VPS13B: variants seen among roughly 807,000 people sequenced by gnomAD.
VPS13B encodes intermembrane lipid transfer protein VPS13B.
VPS13B carries 285 observed loss-of-function variants against 426.4 expected under a neutral mutation model. The observed-to-expected ratio is 0.67, with a 90% CI of 0.61 to 0.74. VPS13B has a LOEUF of 0.74. VPS13B is among the 30% of genes least tolerant of loss of function. The pLI, the probability that VPS13B is intolerant of heterozygous loss-of-function variation, is 0.00. For missense variants in VPS13B, 4,537 were observed against 4,782.6 expected (o/e 0.95, Z 1.51); for synonymous variants, 1,676 against 1,676.4 (o/e 1.00, Z 0.01).
At position 99,038,435 on chromosome 8, in the gene VPS13B, C is replaced by G; in HGVS notation, c.160C>G (p.Pro54Ala). The change falls in exon 3 of 62, where the codon CCA becomes GCA. Residue 54 changes from proline (P) to alanine (A), a missense_variant. Transcript: ENST00000357162. ...LDVLEQELKL[P>A]FTFLSGHIHE... ...TTTGTGTTTTAAGGAACTGAAATTA[C>G]CATTCACTTTTTTAAGTGGACATAT... The G allele has an allele frequency of 6.2e-7, 1 of 1,605,704 alleles. No homozygotes were observed. The highest frequency in any genetic ancestry group is 8.5e-7 in the Non-Finnish European group (1 of 1,175,314).
At position 99,081,652 on chromosome 8, in the gene VPS13B, C is replaced by T. The variant is rs184435955; in HGVS notation, c.292-14660C>T. 1.8e-3 allele frequency among the ~76,000 whole-genome samples: 259 copies of T among 147,324 alleles called. 1 individual carries two copies. Among genetic ancestry groups the T allele is most frequent in the East Asian group, 5.8e-3 (28 of 4,788 alleles). ...ACAGGCCCCGGTGTGTGATGTTCCG[C>T]GTCGTATGTCCATGTGTTCTCATTG... On this transcript the variant is annotated intron_variant, in intron 3 of 61. Transcript: ENST00000357162.
chr8:99,807,062 C>A (rs572438791), intron 43 of VPS13B, among the ~76,000 whole-genome samples: 19 of 152,314 alleles, frequency 1.2e-4, no homozygotes, highest in Admixed American at 1.2e-3. Context: ...CCAAACATTA[C>A]AAATGTTCCA....
intron 39 of VPS13B, among the ~76,000 whole-genome samples, chr8:99,739,021 G>A (rs567740590): frequency 6.3e-4 from 96 of 152,328 alleles, no homozygotes; most frequent in African/African-American, 2.2e-3. Context: ...AAAGCAGGGC[G>A]AGGCATCGCC....
At chr8:99,066,256 A>G (rs1441628676) in intron 3 of VPS13B, among the ~76,000 whole-genome samples, 1 of 152,256 alleles carries the variant, frequency 6.6e-6, no homozygotes, top group Non-Finnish European at 1.5e-5. Context: ...CAACTATCCT[A>G]CAAGGCTACA....
intron 3 of VPS13B, among the ~76,000 whole-genome samples, chr8:99,079,372 G>A (rs1845318240): frequency 6.6e-6 from 1 of 152,144 alleles, no homozygotes; most frequent in Non-Finnish European, 1.5e-5. Context: ...TGTGGTGGCA[G>A]TTTGGGTGGG....
intron 31 of VPS13B, among the ~76,000 whole-genome samples, chr8:99,559,832 A>G (rs997989798): frequency 6.6e-6 from 1 of 152,170 alleles, no homozygotes; most frequent in African/African-American, 2.4e-5. Flanking sequence ...GTTTGAAGTC[A>G]GGTAGCGTGA....
chr8:99,193,545 GAT>G (rs1813720802), intron 17 of VPS13B, among the ~76,000 whole-genome samples: 1 of 151,990 alleles, frequency 6.6e-6, no homozygotes, highest in Admixed American at 6.6e-5. Flanking sequence ...CACTATAAGA[GAT>G]ATCTTCATCT....
chr8:99,225,011 C>T (rs1487284838), intron 17 of VPS13B, among the ~76,000 whole-genome samples: 1 of 152,152 alleles, frequency 6.6e-6, no homozygotes, highest in Non-Finnish European at 1.5e-5. Context: ...TTTTGTAGTT[C>T]TAACTTCCTG....
intron 35 of VPS13B, among the ~76,000 whole-genome samples, chr8:99,684,612 T>C (rs1392999593): frequency 3.3e-5 from 5 of 152,208 alleles, no homozygotes; most frequent in Non-Finnish European, 7.3e-5. Flanking sequence ...GTCTACCTGT[T>C]ACCATATACT....
intron 17 of VPS13B, chr8:99,233,089 T>C: frequency 1.5e-6 from 2 of 1,373,992 alleles, no homozygotes; most frequent in South Asian, 1.2e-5. Context: ...AGGGTATTTC[T>C]ACTCCTGCTG....
chr8:99,557,038 A>G (rs2133765991), intron 31 of VPS13B, among the ~76,000 whole-genome samples: 1 of 152,240 alleles, frequency 6.6e-6, no homozygotes, highest in African/African-American at 2.4e-5. Context: ...ATACTCTGCA[A>G]AGTTATGTTT....
At chr8:99,358,920 G>C (rs1324487272) in intron 19 of VPS13B, among the ~76,000 whole-genome samples, 1 of 152,144 alleles carries the variant, frequency 6.6e-6, no homozygotes, top group Non-Finnish European at 1.5e-5. Context: ...AAGGTTTTAC[G>C]TGTAAGATCT....
intron 39 of VPS13B, among the ~76,000 whole-genome samples, chr8:99,756,904 A>C (rs1392097397): frequency 1.3e-5 from 2 of 152,242 alleles, no homozygotes; most frequent in South Asian, 4.1e-4. Context: ...TTACAACCAG[A>C]AAGTTTGCCA....
intron 57 of VPS13B, among the ~76,000 whole-genome samples, chr8:99,860,277 G>A (rs984245631): frequency 1.3e-5 from 2 of 152,162 alleles, no homozygotes; most frequent in Non-Finnish European, 2.9e-5. Flanking sequence ...AGGGACTGTG[G>A]GTGGGAGGGC....
chr8:99,543,915 G>A (rs1341670938), intron 30 of VPS13B, among the ~76,000 whole-genome samples: 8 of 142,784 alleles, frequency 5.6e-5, no homozygotes, highest in African/African-American at 7.9e-5. Context: ...CGATTCCTCA[G>A]GGATCTAGAA....
chr8:99,664,592 T>C (rs1395751287), intron 35 of VPS13B, among the ~76,000 whole-genome samples: 2 of 152,078 alleles, frequency 1.3e-5, no homozygotes, highest in Middle Eastern at 3.2e-3. Flanking sequence ...CTTGTGATAG[T>C]TTGCTGAGAA....
chr8:99,237,268 G>A (rs1015605465), intron 17 of VPS13B, among the ~76,000 whole-genome samples: 1 of 152,048 alleles, frequency 6.6e-6, no homozygotes, highest in Admixed American at 6.5e-5. Flanking sequence ...GATACCTGAC[G>A]GTATTTCCCC....
chr8:99,556,435 T>G lies in VPS13B; in HGVS notation c.4746-15T>G, dbSNP rs117058417. ...TTTCTTGTTTTTATTTTTGTTTTTT[T>G]CGCTGCCTTTACAGGAGAGCCTTGA... On this transcript the variant is annotated splice_polypyrimidine_tract_variant and intron_variant, in intron 30 of 61. Transcript: ENST00000357162. 6.2e-7 allele frequency: 1 copy of G among 1,611,266 alleles called. No homozygotes were observed. The highest frequency in any genetic ancestry group is 8.5e-7 in the Non-Finnish European group (1 of 1,179,088).
At chr8:99,300,120 CTG>C (rs1405991813) in intron 19 of VPS13B, among the ~76,000 whole-genome samples, 1 of 152,154 alleles carries the variant, frequency 6.6e-6, no homozygotes, top group African/African-American at 2.4e-5. Context: ...TTGCCCATAG[CTG>C]TCTTATTTAG....
Sources: allele counts gnomAD v4.1 joint callset (sites outside exome capture counted in the v4.1 genomes callset), GRCh38; gene constraint gnomAD v4.1.1; transcripts MANE v1.5; gene names NCBI Gene and HGNC (gene_info 2026-07-23, HGNC 2026-07-21).